The following KANK1 variants were observed in gnomAD, a reference collection of about 807,000 sequenced individuals.
KANK1 encodes the protein KN motif and ankyrin repeat domains 1, also known as KN motif and ankyrin repeat domain-containing protein 1.
A neutral mutation model predicts 106.2 loss-of-function variants in KANK1; 109 were observed. The observed-to-expected ratio is 1.03, with a 90% CI of 0.88 to 1.20. The LOEUF is 1.20. Ranked by LOEUF, KANK1 falls within the 50% of genes most tolerant of loss-of-function variation. KANK1 has a pLI of 0.00. For missense variants in KANK1, 2,399 were observed against 1,710.7 expected (o/e 1.40, Z -7.10); for synonymous variants, 873 against 652.2 (o/e 1.34, Z -5.16).
Position 712,705 on chromosome 9 carries a change from T to A in KANK1, c.1939T>A (p.Ser647Thr). 1 of 1,613,926 alleles carries A rather than the reference T, an allele frequency of 6.2e-7. No individual in the cohort carries two copies. The highest frequency in any genetic ancestry group is 8.5e-7 in the Non-Finnish European group (1 of 1,179,948). The change falls in exon 3 of 12, where the codon TCC (serine) becomes ACC (threonine). Residue 647 changes from serine to threonine, a missense_variant. Ser to Thr is a moderately conservative substitution (Grantham distance 58). Coordinates refer to ENST00000382297, the MANE Select transcript of KANK1 (RefSeq NM_015158.5). ...CGTCTGCTCTCCAAAGGAGTGCGCC[T>A]CCCGGGGCGTGAACACTGAGGCTGT... Reference protein sequence around the residue: ...VTVCSPKECASRGVNTEAVSQ... With the variant: ...VTVCSPKECATRGVNTEAVSQ...
intron 3 of KANK1, among the ~76,000 whole-genome samples, chr9:483,407 G>A (rs2058240697): frequency 6.6e-6 from 1 of 152,176 alleles, no homozygotes; most frequent in Admixed American, 6.5e-5. Context: ...AATGCTAGAG[G>A]AGCTTCCCAG....
intron 1 of KANK1, among the ~76,000 whole-genome samples, chr9:583,913 A>G (rs1334017220): frequency 6.6e-6 from 1 of 152,138 alleles, no homozygotes; most frequent in East Asian, 1.9e-4. Context: ...TCTATACAAT[A>G]CAATTTAAAA....
chr9:614,385 T>A (rs796168721), intron 1 of KANK1, among the ~76,000 whole-genome samples: 1,875 of 152,332 alleles, frequency 0.012, 43 homozygotes, highest in African/African-American at 0.043. Context: ...ATTATATACT[T>A]CTGCAGTTTT....
At chr9:544,075 C>T (rs2060780463) in intron 1 of KANK1, among the ~76,000 whole-genome samples, 1 of 151,966 alleles carries the variant, frequency 6.6e-6, no homozygotes, top group Admixed American at 6.6e-5. Flanking sequence ...GGCTGGAGTG[C>T]AGTGGCATGA....
chr9:644,139 G>A (rs1256024907), intron 1 of KANK1, among the ~76,000 whole-genome samples: 1 of 151,022 alleles, frequency 6.6e-6, no homozygotes, highest in African/African-American at 2.5e-5. Context: ...ATGTGGTAAT[G>A]CTAGTCGCCA....
Position 671,623 on chromosome 9 carries a change from A to AAAAAAAAAAAAAAAAAGAAG in KANK1, c.-83-5263_-83-5262insAAAAAAAAAAAAGAAGAAAA, listed in dbSNP as rs79437342. Among the ~76,000 whole-genome samples, 34 of 103,612 alleles carry AAAAAAAAAAAAAAAAAGAAG rather than the reference A, an allele frequency of 3.3e-4. 4 individuals are homozygous for AAAAAAAAAAAAAAAAAGAAG. Among genetic ancestry groups the AAAAAAAAAAAAAAAAAGAAG allele is most frequent in the African/African-American group, 1.0e-3 (23 of 22,514 alleles). The allele number at this position is 103,612 out of a possible 152,430, so 68.0% of individuals were successfully genotyped here. On this transcript the variant is annotated intron_variant, in intron 1 of 11. Transcript: ENST00000382297. Reference sequence around the variant, plus strand: ...AGAGCGAAACTCCGTCTCAAAAAAAAAAAAGAGTGTACTGGTTAAGTACTG... The same window carrying AAAAAAAAAAAAAAAAAGAAG: ...AGAGCGAAACTCCGTCTCAAAAAAAAAAAAAAAAAAAAAAAAGAAGAAAAGAGTGTACTGGTTAAGTACTG...
intron 1 of KANK1, among the ~76,000 whole-genome samples, chr9:663,082 A>G (rs1015723886): frequency 3.9e-5 from 6 of 152,224 alleles, no homozygotes; most frequent in African/African-American, 1.4e-4. Flanking sequence ...AACAATATTC[A>G]TCAATTTAAG....
chr9:488,334 G>A (rs886494773), intron 3 of KANK1, among the ~76,000 whole-genome samples: 16 of 152,144 alleles, frequency 1.1e-4, no homozygotes, highest in Non-Finnish European at 2.9e-5. Context: ...AGGCTTTGGA[G>A]CAAGCAGGGA....
At chr9:568,929 C>G (rs562172059) in intron 1 of KANK1, among the ~76,000 whole-genome samples, 2 of 152,240 alleles carry the variant, frequency 1.3e-5, no homozygotes, top group African/African-American at 2.4e-5. Context: ...AAAATGGGAT[C>G]GATTTCCACA....
At chr9:519,756 T>G (rs1587458716) in intron 1 of KANK1, among the ~76,000 whole-genome samples, 1 of 151,796 alleles carries the variant, frequency 6.6e-6, no homozygotes, top group East Asian at 1.9e-4. Flanking sequence ...GGTGAGCTGT[T>G]GAGCCTTGTC....
intron 1 of KANK1, among the ~76,000 whole-genome samples, chr9:526,601 A>G (rs764260956): frequency 6.6e-6 from 1 of 151,842 alleles, no homozygotes; most frequent in South Asian, 2.1e-4. Context: ...GCAATGTTTT[A>G]TGTACGTGTC....
chr9:636,981 C>T (rs1208641979), intron 1 of KANK1, among the ~76,000 whole-genome samples: 3 of 152,214 alleles, frequency 2.0e-5, no homozygotes, highest in African/African-American at 7.2e-5. Flanking sequence ...TCTGTAGTCC[C>T]CTATTCAAAA....
chr9:716,852 C>T lies in KANK1; in HGVS notation c.2698+3388C>T, dbSNP rs148405980. Among the ~76,000 whole-genome samples the T allele has an allele frequency of 1.1e-3, 164 of 152,242 alleles. 1 individual carries two copies. Among genetic ancestry groups the T allele is most frequent in the African/African-American group, 3.7e-3 (153 of 41,528 alleles). On this transcript the variant is annotated intron_variant, in intron 3 of 11. Coordinates refer to ENST00000382297, the MANE Select transcript of KANK1 (RefSeq NM_015158.5). ...AATTATCTGGTCATGTTATCCTGTG[C>T]CTGTAGCCTCAGCTACTCAGGAAAC...
chr9:620,895 A>G (rs770480736), intron 1 of KANK1, among the ~76,000 whole-genome samples: 4 of 152,174 alleles, frequency 2.6e-5, no homozygotes, highest in Non-Finnish European at 5.9e-5. Flanking sequence ...TTTACTCTTA[A>G]CCAATTTTGG....
At chr9:505,043 G>A (rs2058681893) in intron 1 of KANK1, among the ~76,000 whole-genome samples, 1 of 151,860 alleles carries the variant, frequency 6.6e-6, no homozygotes, top group Admixed American at 6.6e-5. Flanking sequence ...GGCCGGTCTG[G>A]AGGAGGGAGA....
Position 711,208 on chromosome 9 carries a change from CCAAAG to C in KANK1, c.445_449del (p.Lys149Ter), listed in dbSNP as rs1255593599. ...GCTGCCACCTCCCTCACCACAACTC[CCAAAG>C]CATAACCTTCATGTCACCAAGACAC... On this transcript the variant is annotated frameshift_variant, in exon 3 of 12. Coordinates refer to ENST00000382297, the MANE Select transcript of KANK1 (RefSeq NM_015158.5). LOFTEE classifies it high-confidence loss of function. 2 of 1,614,174 alleles carry C rather than the reference CCAAAG, an allele frequency of 1.2e-6. No individual in the cohort carries two copies. The highest frequency in any genetic ancestry group is 2.2e-5 in the South Asian group (2 of 91,082).
At chr9:709,968 A>G (rs1305513968) in intron 2 of KANK1, among the ~76,000 whole-genome samples, 4 of 152,182 alleles carry the variant, frequency 2.6e-5, no homozygotes, top group Admixed American at 6.5e-5. Flanking sequence ...AGGACTTACT[A>G]TGTGCTTGTC....
intron 2 of KANK1, chr9:693,576 C>G (rs1302442687): frequency 1.0e-6 from 1 of 985,268 alleles, no homozygotes; most frequent in East Asian, 1.1e-4. Flanking sequence ...TTTTTGCTGT[C>G]TCACTGACGC....
At chr9:629,503 G>C (rs918399499) in intron 1 of KANK1, among the ~76,000 whole-genome samples, 39 of 152,196 alleles carry the variant, frequency 2.6e-4, no homozygotes, top group Admixed American at 2.6e-3. Flanking sequence ...TATTAGGAAA[G>C]GCAATGACAT....
Sources: gnomAD v4.1 joint callset for allele counts (sites outside exome capture counted in the v4.1 genomes callset) on GRCh38, gnomAD v4.1.1 for gene constraint, MANE v1.5 for transcripts, NCBI Gene and HGNC (gene_info 2026-07-23, HGNC 2026-07-21) for gene names.